The following KCTD14 variants were observed in gnomAD, a reference collection of about 807,000 sequenced individuals.
KCTD14 encodes the protein BTB/POZ domain-containing protein KCTD14.
KCTD14 carries 7 observed loss-of-function variants against 5.9 expected under a neutral mutation model. That is an observed-to-expected ratio of 1.19 (90% CI 0.68 to 2.23). The LOEUF (loss-of-function observed/expected upper bound fraction) is 2.23. KCTD14 is among the 30% of genes most tolerant of loss of function. The pLI, the probability that KCTD14 is intolerant of heterozygous loss-of-function variation, is 0.00. For synonymous variants in KCTD14, 140 were observed against 133.1 expected (o/e 1.05, Z -0.36); for missense variants, 342 against 332.2 (o/e 1.03, Z -0.23).
chr11:78,033,758 G>A (rs145520439), intron 2 of KCTD14, among the ~76,000 whole-genome samples: 4 of 150,930 alleles, frequency 2.7e-5, no homozygotes, highest in Admixed American at 2.6e-4. Flanking sequence ...TGAGGCACGA[G>A]GATTGCTCGA....
At chr11:78,025,134 A>G (rs1458830948), upstream of KCTD14, among the ~76,000 whole-genome samples, 409 of 111,646 alleles carry the variant, frequency 3.7e-3, 3 homozygotes, top group African/African-American at 0.024. Context: ...ATATATATAT[A>G]TATATATATA....
At chr11:78,037,221 C>T (rs955485078) in intron 2 of KCTD14, among the ~76,000 whole-genome samples, 4 of 152,216 alleles carry the variant, frequency 2.6e-5, no homozygotes, top group Non-Finnish European at 4.4e-5. Flanking sequence ...ACCACTCCCC[C>T]GGGGCCAGCC....
At chr11:78,022,917 A>G in intron 1 of KCTD14, 3 of 506,272 alleles carry the variant, frequency 5.9e-6, no homozygotes, top group Non-Finnish European at 1.0e-5. Flanking sequence ...AAGGGCAAAG[A>G]GGAAAGGCTG....
upstream of KCTD14, chr11:78,023,518 C>T (rs1162076857): frequency 1.6e-5 from 6 of 365,512 alleles, no homozygotes; most frequent in East Asian, 5.5e-5. Context: ...TTCTTTCTTT[C>T]TTTTTTTTTT....
Position 78,016,593 on chromosome 11 carries a change from T to C in KCTD14, c.768A>G (p.Ter256TrpextTer58), listed in dbSNP as rs757263635. ...TCATAACAGTCTCTGCTCCTGAGGA[T>C]CACCACCAGGTGAAGGTGAATGAAT... is the stretch of plus-strand genomic sequence containing the variant. ...NIYSFTFTWW[*>W] The change falls in exon 2 of 2, where the codon TGA becomes TGG. Residue 256 changes from the stop codon to tryptophan (W), a stop_lost. Transcript: ENST00000353172. The C allele has an allele frequency of 9.3e-6, 15 of 1,610,302 alleles. No individual in the cohort carries two copies. Among genetic ancestry groups the C allele is most frequent in the Non-Finnish European group, 1.2e-5 (14 of 1,176,960 alleles).
intron 1 of KCTD14, among the ~76,000 whole-genome samples, chr11:78,039,286 G>A (rs1166536445): frequency 6.6e-6 from 1 of 151,986 alleles, no homozygotes; most frequent in Non-Finnish European, 1.5e-5. Flanking sequence ...AGAGGCCGAG[G>A]CAGGCAGACC....
upstream of KCTD14, among the ~76,000 whole-genome samples, chr11:78,024,380 CAAAAAAA>C (rs56296835): frequency 1.1e-3 from 133 of 123,198 alleles, no homozygotes; most frequent in African/African-American, 4.1e-3. Context: ...GATTCCCTCT[CAAAAAAA>C]AAAAAAAAAA....
chr11:78,044,642 A>G (rs1858084408), intron 1 of KCTD14, among the ~76,000 whole-genome samples: 1 of 152,186 alleles, frequency 6.6e-6, no homozygotes, highest in Non-Finnish European at 1.5e-5. Context: ...ACGGGTCTGT[A>G]GTAACCTCCA....
chr11:78,029,883 A>G (rs12421739), intron 2 of KCTD14, among the ~76,000 whole-genome samples: 72,924 of 151,200 alleles, frequency 0.48, 18,218 homozygotes, highest in African/African-American at 0.62. Flanking sequence ...CCAGGTTCAT[A>G]CCATTCTCCT....
intron 2 of KCTD14, among the ~76,000 whole-genome samples, chr11:78,034,709 C>T (rs1857738253): frequency 6.6e-6 from 1 of 152,094 alleles, no homozygotes; most frequent in African/African-American, 2.4e-5. Flanking sequence ...GTTTTCAAGA[C>T]AGTCTGAGTC....
chr11:78,017,372 T>C, intron 1 of KCTD14, 102 bp from the exon 2 acceptor site: 1 of 1,390,376 alleles, frequency 7.2e-7, no homozygotes, highest in Non-Finnish European at 9.5e-7. Context: ...AGGGGAGCCA[T>C]AATGATTGGC....
upstream of KCTD14, among the ~76,000 whole-genome samples, chr11:78,027,015 C>G (rs960630563): frequency 7.2e-5 from 11 of 152,186 alleles, no homozygotes; most frequent in African/African-American, 2.6e-4. Flanking sequence ...AGGAGAATTG[C>G]TTGAACCTGG....
At chr11:78,028,878 G>C (rs1354933298) in intron 2 of KCTD14, among the ~76,000 whole-genome samples, 5 of 152,056 alleles carry the variant, frequency 3.3e-5, no homozygotes, top group Non-Finnish European at 7.4e-5. Context: ...GAGGCAAGAA[G>C]AGACAAACCA....
At position 78,039,213 on chromosome 11, in the gene KCTD14, A is replaced by C. The variant is rs534252300; in HGVS notation, c.-95-455T>G. On this transcript the variant is annotated intron_variant, in intron 1 of 2. Coordinates refer to the KCTD14 transcript ENST00000533144. ...CCACTAACAAAACTTGAATCATGCC[A>C]TTTAAAATATTTATTTAACCAGGCC... Among the ~76,000 whole-genome samples the C allele has an allele frequency of 1.6e-3, 237 of 152,214 alleles. 1 individual carries two copies. Among genetic ancestry groups the C allele is most frequent in the Non-Finnish European group, 2.2e-3 (152 of 68,024 alleles).
intron 1 of KCTD14, among the ~76,000 whole-genome samples, chr11:78,019,126 C>T (rs772790963): frequency 1.3e-5 from 2 of 151,170 alleles, no homozygotes; most frequent in Non-Finnish European, 1.5e-5. Context: ...CAGGCTCAAG[C>T]GATTATCGTG....
upstream of KCTD14, chr11:78,023,583 G>A: frequency 3.8e-6 from 1 of 260,288 alleles, no homozygotes; most frequent in Non-Finnish European, 7.4e-6. Context: ...GGCGGATCAG[G>A]CTCACTGCAA....
At chr11:78,030,754 A>G (rs1472188972) in intron 2 of KCTD14, among the ~76,000 whole-genome samples, 2 of 152,168 alleles carry the variant, frequency 1.3e-5, no homozygotes, top group Non-Finnish European at 2.9e-5. Flanking sequence ...TGCTTGTGGC[A>G]GAGTGCCCAG....
intron 1 of KCTD14, among the ~76,000 whole-genome samples, chr11:78,017,735 AGAGG>A (rs1857209921): frequency 1.3e-5 from 2 of 152,118 alleles, no homozygotes; most frequent in Admixed American, 1.3e-4. Context: ...GGCATTTTAA[AGAGG>A]AAGAAAGATT....
At position 78,016,485 on chromosome 11, in the gene KCTD14, AC is replaced by A. The variant is rs1233682027; in HGVS notation, c.*107del. 1 of 967,546 alleles carries A rather than the reference AC, an allele frequency of 1.0e-6. No homozygotes were observed. 59.9% of individuals were successfully genotyped at this position (967,546 alleles called of 1,614,324 possible). The stretch of plus-strand genomic sequence containing the variant: ...TATTTAGTGGCAAGACTCTAGACCA[AC>A]CCTGGAAATTGCCTGATGTTTGTGA... On this transcript the variant is annotated 3_prime_UTR_variant, in exon 2 of 2. Coordinates refer to ENST00000353172, the MANE Select transcript of KCTD14 (RefSeq NM_023930.4).
Sources: allele counts gnomAD v4.1 joint callset (sites outside exome capture counted in the v4.1 genomes callset), GRCh38; gene constraint gnomAD v4.1.1; transcripts MANE v1.5; gene names NCBI Gene and HGNC (gene_info 2026-07-23, HGNC 2026-07-21).